TCP11: variants seen among roughly 807,000 people sequenced by gnomAD.
TCP11 encodes the protein t-complex 11, also known as T-complex protein 11 homolog.
Under a neutral mutation model 45.0 loss-of-function variants are expected in TCP11, and 34 were observed. The ratio of observed to expected loss-of-function variants is 0.76; its 90% CI spans 0.57 to 1.01. The LOEUF is 1.01. Ranked by LOEUF, TCP11 falls within the 50% of genes least tolerant of loss-of-function variation. TCP11 has a pLI of 0.00. For synonymous variants in TCP11, 227 were observed against 227.0 expected (o/e 1.00, Z 0.00); for missense variants, 523 against 598.1 (o/e 0.87, Z 1.31).
rs1182932499 is a variant in TCP11 at position 35,141,224 on chromosome 6, G to A, written c.-34C>T. The A allele has an allele frequency of 3.6e-6, 5 of 1,407,032 alleles. No homozygotes were observed. Among genetic ancestry groups the A allele is most frequent in the Non-Finnish European group, 3.7e-6 (4 of 1,082,684 alleles). 87.2% of individuals were successfully genotyped at this position (1,407,032 alleles called of 1,614,324 possible). On this transcript the variant is annotated 5_prime_UTR_variant, in exon 1 of 10. Transcript: ENST00000311875. Reference sequence around the variant, plus strand: ...CGTCACCTCCTCCTCCCCCGCCGCGGGTCATCCACTGGCGTCCGCTCGGTG... The same window carrying A: ...CGTCACCTCCTCCTCCCCCGCCGCGAGTCATCCACTGGCGTCCGCTCGGTG...
In TCP11 at chr6:35,131,006, T is replaced by C. The variant is rs1780361295; in HGVS notation, c.237-1824A>G. Among the ~76,000 whole-genome samples the C allele has an allele frequency of 2.0e-5, 3 of 152,214 alleles. No homozygotes were observed. In the South Asian group the frequency reaches 6.2e-4, roughly 31 times the overall value. ...AATAAACTGCCCATAAAATGGAATA[T>C]TATTCAATGATAAAAAAATGATTTG... On this transcript the variant is annotated intron_variant, in intron 3 of 9. Coordinates refer to ENST00000311875, the MANE Select transcript of TCP11 (RefSeq NM_001370687.1).
chr6:35,124,980 G>C (rs1779659262), intron 4 of TCP11, among the ~76,000 whole-genome samples: 1 of 151,634 alleles, frequency 6.6e-6, no homozygotes, highest in Non-Finnish European at 1.5e-5. Context: ...TCAGGAGTTT[G>C]AGACCAGCCT....
chr6:35,123,478 C>A (rs529301252), intron 4 of TCP11, among the ~76,000 whole-genome samples: 19 of 151,920 alleles, frequency 1.3e-4, no homozygotes, highest in Non-Finnish European at 2.4e-4. Flanking sequence ...ACTTAGTAGG[C>A]CTTTTATAAT....
At position 35,122,098 on chromosome 6, in the gene TCP11, G is replaced by A. The variant is rs183904080; in HGVS notation, c.578+19C>T. ...CAGGGGCTAAAGCAGGTTTTTGGGG[G>A]CAGTATCAAGTTTCATACCTCAGTA... On this transcript the variant is annotated intron_variant, in intron 5 of 9. Coordinates refer to ENST00000311875, the MANE Select transcript of TCP11 (RefSeq NM_001370687.1). 5.2e-5 allele frequency: 84 copies of A among 1,612,936 alleles called. 1 individual carries two copies. In the African/African-American group the frequency reaches 8.5e-4, roughly 16 times the overall value.
chr6:35,129,161 C>A lies in TCP11; in HGVS notation c.258G>T (p.Glu86Asp), dbSNP rs1053898388. The A allele has an allele frequency of 2.5e-6, 4 of 1,613,718 alleles. No individual in the cohort carries two copies. The highest frequency in any genetic ancestry group is 1.7e-5 in the Admixed American group (1 of 59,910). Reference sequence around the variant, plus strand: ...GGTCCCAAAAGGCATTGTGCACTGTCTCCTTGACCTTGCCTTCCAGACTAT... The same window carrying A: ...GGTCCCAAAAGGCATTGTGCACTGTATCCTTGACCTTGCCTTCCAGACTAT... ...PPSSLEGKVK[E>D]TVHNAFWDHL... The change falls in exon 4 of 10, where the codon GAG (glutamate) becomes GAT (aspartate). Residue 86 changes from glutamate (E) to aspartate (D), a missense_variant. Physicochemically the swap from Glu to Asp is conservative, Grantham distance 45. Coordinates refer to ENST00000311875, the MANE Select transcript of TCP11 (RefSeq NM_001370687.1).
chr6:35,118,435 A>T lies in TCP11; in HGVS notation c.1346T>A (p.Leu449His). The T allele has an allele frequency of 6.2e-7, 1 of 1,614,190 alleles. No homozygotes were observed. ...TTCAATGAGAGTAAGGCCTCCAGGA[A>T]GGTCTAATAGAGACCGCTGCACACC... ...VLGVQRSLLD[L>H]PGGLTLIEAE... The change falls in exon 10 of 10, where the codon CTT (leucine) becomes CAT (histidine). Residue 449 changes from leucine (L) to histidine (H), a missense_variant. By Grantham distance (99) the Leu-to-His change is moderately conservative (BLOSUM62 -3). This residue lies in a region of TCP11 where 298 missense variants were observed against 387.9 expected (regional missense o/e 0.77). Coordinates refer to ENST00000311875, the MANE Select transcript of TCP11 (RefSeq NM_001370687.1).
Position 35,141,230 on chromosome 6 carries a change from C to A in TCP11, c.-40G>T. The A allele has an allele frequency of 7.1e-7, 1 of 1,400,320 alleles. No individual in the cohort carries two copies. 86.7% of individuals were successfully genotyped at this position (1,400,320 alleles called of 1,614,324 possible). A position where few individuals can be genotyped will look rare whatever the true frequency, so the allele number is the denominator to read the frequency against. On this transcript the variant is annotated 5_prime_UTR_variant, in exon 1 of 10. Coordinates refer to ENST00000311875, the MANE Select transcript of TCP11 (RefSeq NM_001370687.1). ...CTCCTCCTCCCCCGCCGCGGGTCAT[C>A]CACTGGCGTCCGCTCGGTGGGCCTC...
At chr6:35,139,162 T>C (rs914194636) in intron 2 of TCP11, among the ~76,000 whole-genome samples, 1 of 151,002 alleles carries the variant, frequency 6.6e-6, no homozygotes, top group Non-Finnish European at 1.5e-5. Flanking sequence ...CACTCTAGCC[T>C]GGGTGACAGA....
chr6:35,140,458 C>G, intron 2 of TCP11: 1 of 560,612 alleles, frequency 1.8e-6, no homozygotes, highest in Non-Finnish European at 3.3e-6. Context: ...ATCTGCCAAT[C>G]CCCCCTACAT....
intron 3 of TCP11, among the ~76,000 whole-genome samples, chr6:35,130,630 G>T (rs955164166): frequency 5.3e-5 from 8 of 151,802 alleles, no homozygotes; most frequent in African/African-American, 1.9e-4. Context: ...TTTGGGAGTT[G>T]CAAATTAAAA....
chr6:35,119,326 T>A lies in TCP11; in HGVS notation c.1181A>T (p.Asn394Ile). 1 of 1,614,218 alleles carries A rather than the reference T, an allele frequency of 6.2e-7. No individual in the cohort carries two copies. Among genetic ancestry groups the A allele is most frequent in the Non-Finnish European group, 8.5e-7 (1 of 1,180,032 alleles). ...ACTGCTTAGAGCAACAAGGCCCATA[T>A]TCTTGAGGCTTTGATGGATTTCCTG... ...VSQEIHQSLK[N>I]MGLVALSSDN... is the part of the protein sequence containing the mutation. Residue 394 changes from asparagine to isoleucine, a missense_variant, in exon 9 of 10, where the codon AAT becomes ATT. Asn to Ile is a moderately radical substitution (Grantham distance 149). Coordinates refer to ENST00000311875, the MANE Select transcript of TCP11 (RefSeq NM_001370687.1).
chr6:35,130,591 T>C (rs188177174), intron 3 of TCP11, among the ~76,000 whole-genome samples: 30 of 151,964 alleles, frequency 2.0e-4, no homozygotes, highest in African/African-American at 6.8e-4. Flanking sequence ...CAAATAAGTA[T>C]ATGAGAAGAC....
At position 35,140,758 on chromosome 6, in the gene TCP11, T is replaced by C; in HGVS notation, c.113A>G (p.Asp38Gly). 1 of 1,525,474 alleles carries C rather than the reference T, an allele frequency of 6.6e-7. No homozygotes were observed. 94.5% of individuals were successfully genotyped at this position (1,525,474 alleles called of 1,614,324 possible). The change falls in exon 2 of 10, where the codon GAC becomes GGC. Residue 38 changes from aspartate (D) to glycine (G), a missense_variant. Transcript: ENST00000311875. ...PPQEDKSGSE[D>G]PPPFLSVTGL... ...CGAGCTGGACCTACAGGGAGGGGGG[T>C]CCTCGGAGCCGCTCTTGTCTTCCTG...
chr6:35,140,484 C>A, intron 2 of TCP11: 1 of 606,822 alleles, frequency 1.6e-6, no homozygotes, highest in Non-Finnish European at 3.1e-6. Flanking sequence ...AAATACAATA[C>A]AAAGGAGGGC....
chr6:35,131,669 T>C (rs1780471008), intron 3 of TCP11, among the ~76,000 whole-genome samples: 1 of 152,160 alleles, frequency 6.6e-6, no homozygotes, highest in Non-Finnish European at 1.5e-5. Flanking sequence ...AATTACTAAG[T>C]GAAACAACTA....
At chr6:35,122,621 C>A (rs1195018611) in intron 4 of TCP11, among the ~76,000 whole-genome samples, 1 of 152,066 alleles carries the variant, frequency 6.6e-6, no homozygotes, top group East Asian at 1.9e-4. Context: ...CGGGGTACAA[C>A]AAATATAAAA....
At position 35,120,810 on chromosome 6, in the gene TCP11, C is replaced by T; in HGVS notation, c.715+99G>A. On this transcript the variant is annotated intron_variant, in intron 6 of 9. Coordinates refer to ENST00000311875, the MANE Select transcript of TCP11 (RefSeq NM_001370687.1). The surrounding 1 kb of genome is among the most constrained non-coding windows in gnomAD (Gnocchi z 4.9). ...CTCCCTCCCTTCACCTAATAAGCAACTTTCTATTCCTAAAAAGAGATAGAG... is the reference window on the plus strand; with the variant it reads ...CTCCCTCCCTTCACCTAATAAGCAATTTTCTATTCCTAAAAAGAGATAGAG... 6.8e-7 allele frequency: 1 copy of T among 1,475,914 alleles called. No individual in the cohort carries two copies. Among genetic ancestry groups the T allele is most frequent in the Non-Finnish European group, 9.1e-7 (1 of 1,095,644 alleles). 91.4% of individuals were successfully genotyped at this position (1,475,914 alleles called of 1,614,324 possible). A position where few individuals can be genotyped will look rare whatever the true frequency, so the allele number is the denominator to read the frequency against.
intron 4 of TCP11, among the ~76,000 whole-genome samples, chr6:35,127,401 G>A (rs1208932114): frequency 1.3e-5 from 2 of 152,110 alleles, no homozygotes; most frequent in African/African-American, 4.8e-5. Context: ...AGACTCTTTG[G>A]CAATGAAGGT....
chr6:35,121,057 G>T lies in TCP11; in HGVS notation c.579-12C>A. Reference sequence around the variant, plus strand: ...CCTGGAAGATCCCTCTGACACAGGGGGAAAGAGAATATTTATACTACTAAG... The same window carrying T: ...CCTGGAAGATCCCTCTGACACAGGGTGAAAGAGAATATTTATACTACTAAG... On this transcript the variant is annotated splice_polypyrimidine_tract_variant and intron_variant, in intron 5 of 9. Transcript: ENST00000311875. The T allele has an allele frequency of 6.3e-7, 1 of 1,592,712 alleles. No homozygotes were observed. The highest frequency in any genetic ancestry group is 8.6e-7 in the Non-Finnish European group (1 of 1,168,442).
Sources: gnomAD v4.1 joint callset for allele counts (sites outside exome capture counted in the v4.1 genomes callset) on GRCh38, gnomAD v4.1.1 for gene constraint, gnomAD v4.1.1 regional missense constraint, Gnocchi (gnomAD v3.1) non-coding constraint, MANE v1.5 for transcripts, NCBI Gene and HGNC (gene_info 2026-07-23, HGNC 2026-07-21) for gene names.